MYBPC2: variants seen among roughly 807,000 people sequenced by gnomAD.
The protein encoded by MYBPC2 is myosin-binding protein C, fast-type.
A neutral mutation model predicts 137.0 loss-of-function variants in MYBPC2; 122 were observed. The observed-to-expected ratio is 0.89, with a 90% CI of 0.77 to 1.03. The LOEUF is 1.03. Ranked by LOEUF, MYBPC2 falls within the 50% of genes least tolerant of loss-of-function variation. MYBPC2 has a pLI of 0.00. For synonymous variants in MYBPC2, 626 were observed against 612.3 expected (o/e 1.02, Z -0.33); for missense variants, 1,500 against 1,534.4 (o/e 0.98, Z 0.37).
rs751987532 is a variant in MYBPC2 at position 50,455,620 on chromosome 19, C to A, written c.2314C>A (p.Leu772Met). ...RIGAGGIDGYLVEYCLEGSEE... is the reference protein window; with the variant it reads ...RIGAGGIDGYMVEYCLEGSEE... ...CGGGGCAGGTGGCATCGATGGGTAC[C>A]TGGTGGAGTACTGCCTGGAAGGCTG... Residue 772 changes from leucine to methionine, a missense_variant, in exon 20 of 28, where the codon CTG (leucine) becomes ATG (methionine). Coordinates refer to ENST00000357701, the MANE Select transcript of MYBPC2 (RefSeq NM_004533.4). 6.2e-7 allele frequency: 1 copy of A among 1,613,962 alleles called. No homozygotes were observed. The highest frequency in any genetic ancestry group is 1.1e-5 in the South Asian group (1 of 91,084).
Position 50,461,641 on chromosome 19 carries a change from A to G in MYBPC2, c.3031A>G (p.Ile1011Val), listed in dbSNP as rs750145345. The change falls in exon 25 of 28, where the codon ATC becomes GTC. Residue 1011 changes from isoleucine to valine, a missense_variant. Ile to Val is a conservative substitution (Grantham distance 29). Transcript: ENST00000357701. Reference sequence around the variant, plus strand: ...CTATTTCCGAGTTTACACCGAGAACATCTGTGGGCTCAGTGACTCACCTGG... The same window carrying G: ...CTATTTCCGAGTTTACACCGAGAACGTCTGTGGGCTCAGTGACTCACCTGG... ...EYYFRVYTENICGLSDSPGVS... is the reference protein window; with the variant it reads ...EYYFRVYTENVCGLSDSPGVS... The G allele has an allele frequency of 3.1e-6, 5 of 1,613,580 alleles. No homozygotes were observed. The highest frequency in any genetic ancestry group is 4.2e-6 in the Non-Finnish European group (5 of 1,179,834).
At position 50,443,549 on chromosome 19, in the gene MYBPC2, C is replaced by T; in HGVS notation, c.958C>T (p.Leu320=). The T allele has an allele frequency of 6.2e-7, 1 of 1,613,098 alleles. No homozygotes were observed. The highest frequency in any genetic ancestry group is 8.5e-7 in the Non-Finnish European group (1 of 1,179,558). Residue 320 remains leucine, a synonymous_variant, in exon 10 of 28, where the codon CTG becomes TTG. Coordinates refer to ENST00000357701, the MANE Select transcript of MYBPC2 (RefSeq NM_004533.4). The part of the protein sequence containing the change: ...KRILTINKCT[L]ADDAAYEVAV... The stretch of plus-strand genomic sequence containing the variant: ...AATTCTTACCATCAACAAGTGCACG[C>T]TGGCGGATGACGCTGCCTATGAAGT...
chr19:50,457,232 C>T lies in MYBPC2; in HGVS notation c.2339-1355C>T, dbSNP rs74727130. ...CAGCTTCCTCCCTCCTCCTCTCCTC[C>T]GTGCTCTTTACCCCATTCCTCCCTG... On this transcript the variant is annotated intron_variant, in intron 20 of 27. Transcript: ENST00000357701. Among the ~76,000 whole-genome samples the T allele has an allele frequency of 7.1e-4, 108 of 152,304 alleles. No homozygotes were observed. In the Middle Eastern group the frequency reaches 0.01, roughly 14 times the overall value.
Position 50,435,173 on chromosome 19 carries a change from C to G in MYBPC2, c.32C>G (p.Ala11Gly). MPEAKPAAKK[A>G]PKGKDAPKGA... ...CCCTACCTTACAGCGGCCAAAAAGGCCCCCAAAGGCAAAGATGCCCCCAAA... is the reference window on the plus strand; with the variant it reads ...CCCTACCTTACAGCGGCCAAAAAGGGCCCCAAAGGCAAAGATGCCCCCAAA... The change falls in exon 2 of 28, where the codon GCC (alanine) becomes GGC (glycine). Residue 11 changes from alanine to glycine, a missense_variant. Coordinates refer to ENST00000357701, the MANE Select transcript of MYBPC2 (RefSeq NM_004533.4). This position sits in a 1 kb window ranked among gnomAD's most constrained non-coding sequence, Gnocchi z 4.8. The G allele has an allele frequency of 3.0e-6, 4 of 1,330,254 alleles. No homozygotes were observed. Among genetic ancestry groups the G allele is most frequent in the Non-Finnish European group, 3.2e-6 (3 of 926,410 alleles). 82.4% of individuals were successfully genotyped at this position (1,330,254 alleles called of 1,614,324 possible).
rs2039851841 is a variant in MYBPC2, at chr19:50,450,995, G to A, written c.1579+60G>A. 3.5e-6 allele frequency: 5 copies of A among 1,448,980 alleles called. No homozygotes were observed. The East Asian group carries it at 1.0e-4, about 29-fold the overall frequency. The allele number at this position is 1,448,980 out of a possible 1,614,324, so 89.8% of individuals were successfully genotyped here. On this transcript the variant is annotated intron_variant, in intron 14 of 27. Coordinates refer to ENST00000357701, the MANE Select transcript of MYBPC2 (RefSeq NM_004533.4). ...TAGGATCCACCCTCGCAGACCCAGG[G>A]CCCGGGATGTCCCTCTCCAGGATTA...
Position 50,436,056 on chromosome 19 carries a change from CCAGA to C in MYBPC2, c.244_247del (p.Asp82AsnfsTer83), listed in dbSNP as rs776864453. 1.1e-5 allele frequency: 18 copies of C among 1,584,146 alleles called. No homozygotes were observed. Among genetic ancestry groups the C allele is most frequent in the Non-Finnish European group, 1.5e-5 (18 of 1,165,202 alleles). ...GGCCAAGGTGAACGGGAAGGAGCTC[CCAGA>C]CAAACCGACCATCAAGTGGTTCAAG... On this transcript the variant is annotated frameshift_variant, in exon 4 of 28. Coordinates refer to ENST00000357701, the MANE Select transcript of MYBPC2 (RefSeq NM_004533.4). LOFTEE classifies it high-confidence loss of function.
chr19:50,444,990 G>A (rs2048270658), intron 11 of MYBPC2, among the ~76,000 whole-genome samples: 1 of 151,870 alleles, frequency 6.6e-6, no homozygotes, highest in Admixed American at 6.6e-5. Context: ...ATGTGTGTTT[G>A]TGTAGGAGAA....
chr19:50,446,617 C>G (rs548286217), intron 12 of MYBPC2, among the ~76,000 whole-genome samples: 1 of 151,044 alleles, frequency 6.6e-6, no homozygotes, highest in Middle Eastern at 3.3e-3. Flanking sequence ...GTCGGGAGTT[C>G]GAGACCAGCC....
intron 11 of MYBPC2, among the ~76,000 whole-genome samples, chr19:50,444,534 A>C (rs1001697691): frequency 1.3e-5 from 2 of 152,138 alleles, no homozygotes; most frequent in East Asian, 3.9e-4. Context: ...TTTATCGAGC[A>C]CCTGTTGTGT....
intron 24 of MYBPC2, among the ~76,000 whole-genome samples, chr19:50,460,645 T>C (rs2039963566): frequency 6.6e-6 from 1 of 152,216 alleles, no homozygotes; most frequent in Admixed American, 6.5e-5. Context: ...CACAACGTCT[T>C]TGAAGTTCAT....
At chr19:50,456,757 A>G (rs1294921508) in intron 20 of MYBPC2, among the ~76,000 whole-genome samples, 1 of 151,600 alleles carries the variant, frequency 6.6e-6, no homozygotes, top group East Asian at 1.9e-4. Flanking sequence ...TTTCATCCAT[A>G]TATCTATCTC....
rs538611393 is a variant in MYBPC2, at chr19:50,452,014, G to A, written c.1749+11G>A. ...CTGAAGGGAGATGAGGTGGGTTGGGGCCGCCCCTCTGTCCTCACTCCCTTT... is the reference window on the plus strand; with the variant it reads ...CTGAAGGGAGATGAGGTGGGTTGGGACCGCCCCTCTGTCCTCACTCCCTTT... On this transcript the variant is annotated intron_variant, in intron 16 of 27. Coordinates refer to ENST00000357701, the MANE Select transcript of MYBPC2 (RefSeq NM_004533.4). 130 of 1,551,720 alleles carry A rather than the reference G, an allele frequency of 8.4e-5. No homozygotes were observed. In the South Asian group the frequency reaches 1.4e-3, roughly 17 times the overall value.
rs370225894 is a variant in MYBPC2, at chr19:50,461,879, G to A, written c.3092-21G>A. 1.6e-4 allele frequency: 253 copies of A among 1,590,580 alleles called. 1 individual carries two copies. Among genetic ancestry groups the A allele is most frequent in the Non-Finnish European group, 2.0e-4 (239 of 1,168,044 alleles). On this transcript the variant is annotated intron_variant, in intron 25 of 27. Coordinates refer to ENST00000357701, the MANE Select transcript of MYBPC2 (RefSeq NM_004533.4). ...GGAGAATCTAGATCAGTCGCCTTACGGGTGCATCCTCTCTCCCCAGGAATC... is the reference window on the plus strand; with the variant it reads ...GGAGAATCTAGATCAGTCGCCTTACAGGTGCATCCTCTCTCCCCAGGAATC...
chr19:50,464,568 T>C (rs755793602), intron 27 of MYBPC2, 36 bp downstream of exon 27: 38 of 1,560,796 alleles, frequency 2.4e-5, no homozygotes, highest in Non-Finnish European at 3.3e-5. Flanking sequence ...TGGCTGACCC[T>C]TGCTCGGGCC....
Position 50,443,496 on chromosome 19 carries a change from A to G in MYBPC2, c.905A>G (p.Tyr302Cys). 1 of 1,613,240 alleles carries G rather than the reference A, an allele frequency of 6.2e-7. No homozygotes were observed. Among genetic ancestry groups the G allele is most frequent in the Non-Finnish European group, 8.5e-7 (1 of 1,179,614 alleles). Residue 302 changes from tyrosine to cysteine, a missense_variant and splice_region_variant, in exon 10 of 28, where the codon TAC (tyrosine) becomes TGC (cysteine). Transcript: ENST00000357701. ...TTGAGGTGAGACTTTTGAATCAGGT[A>G]CGTGTTTGAGAACGTTGGTAAGAAG... ...NGQEIKPSSK[Y>C]VFENVGKKRI...
In MYBPC2 at chr19:50,436,101, C is replaced by G; in HGVS notation, c.286C>G (p.Leu96Val). 6.3e-7 allele frequency: 1 copy of G among 1,582,192 alleles called. No homozygotes were observed. The highest frequency in any genetic ancestry group is 8.6e-7 in the Non-Finnish European group (1 of 1,164,588). The change falls in exon 4 of 28, where the codon CTG becomes GTG. Residue 96 changes from leucine to valine, a missense_variant. Leu to Val is a conservative substitution (Grantham distance 32). Coordinates refer to ENST00000357701, the MANE Select transcript of MYBPC2 (RefSeq NM_004533.4). ...GTGGTTCAAGGGGAAGTGGCTGGAG[C>G]TGGGCAGCAAGAGTGGCGCCCGCTT... ...IKWFKGKWLE[L>V]GSKSGARFSF...
At chr19:50,433,233 G>A (rs1460593736) in intron 1 of MYBPC2, among the ~76,000 whole-genome samples, 4 of 152,004 alleles carry the variant, frequency 2.6e-5, no homozygotes, top group Admixed American at 2.6e-4. Context: ...ATCTGTGTGG[G>A]GTGAGGGATC....
chr19:50,435,726 C>T lies in MYBPC2; in HGVS notation c.110-50C>T, dbSNP rs751843715. 9 of 1,501,570 alleles carry T rather than the reference C, an allele frequency of 6.0e-6. 1 individual carries two copies. In the African/African-American group the frequency reaches 1.1e-4, roughly 19 times the overall value. 93.0% of individuals were successfully genotyped at this position (1,501,570 alleles called of 1,614,324 possible). A position where few individuals can be genotyped will look rare whatever the true frequency, so the allele number is the denominator to read the frequency against. On this transcript the variant is annotated intron_variant, in intron 2 of 27. Transcript: ENST00000357701. This position sits in a 1 kb window ranked among gnomAD's most constrained non-coding sequence, Gnocchi z 4.8. The stretch of plus-strand genomic sequence containing the variant: ...TTTCCCCAAAGCGGCCCACTGTCCC[C>T]TCCCCAGCCTATCTCAGACCTCCTC...
At position 50,455,112 on chromosome 19, in the gene MYBPC2, C is replaced by T; in HGVS notation, c.2019C>T (p.Tyr673=). The T allele has an allele frequency of 6.2e-7, 1 of 1,611,462 alleles. No individual in the cohort carries two copies. Among genetic ancestry groups the T allele is most frequent in the East Asian group, 2.2e-5 (1 of 44,828 alleles). The change falls in exon 19 of 28, where the codon TAC becomes TAT. Residue 673 remains tyrosine (Y), a synonymous_variant. Transcript: ENST00000357701. ...MYDGGKPVTG[Y]LVERKKKGSQ... is the part of the protein sequence containing the mutation. ...CTCTCTGCTTGGAGCCTCCAGGGTACCTCGTAGAGCGGAAGAAGAAGGGCT... is the reference window on the plus strand; with the variant it reads ...CTCTCTGCTTGGAGCCTCCAGGGTATCTCGTAGAGCGGAAGAAGAAGGGCT...
Sources: gnomAD v4.1 joint callset for allele counts (sites outside exome capture counted in the v4.1 genomes callset) on GRCh38, gnomAD v4.1.1 for gene constraint, Gnocchi (gnomAD v3.1) non-coding constraint, MANE v1.5 for transcripts, NCBI Gene and HGNC (gene_info 2026-07-23, HGNC 2026-07-21) for gene names.